Variants in MALRD1 observed in about 807,000 individuals in gnomAD.
MALRD1 encodes MAM and LDL receptor class A domain containing 1.
MALRD1 carries 247 observed loss-of-function variants against 242.1 expected under a neutral mutation model. The ratio of observed to expected loss-of-function variants is 1.02; its 90% CI spans 0.92 to 1.13. The LOEUF (loss-of-function observed/expected upper bound fraction) is 1.13, where lower values mean the gene tolerates loss of function less well. Ranked by LOEUF, MALRD1 falls within the 50% of genes most tolerant of loss-of-function variation. The probability of loss-of-function intolerance (pLI) is 0.00; values close to 1 mark genes in which losing one functional copy is unlikely to be tolerated. For missense variants in MALRD1, 2,989 were observed against 2,533.1 expected (o/e 1.18, Z -3.86); for synonymous variants, 995 against 866.6 (o/e 1.15, Z -2.60).
At chr10:19,327,784 T>G in intron 23 of MALRD1, 111 bp downstream of exon 23, 1 of 852,454 alleles carries the variant, frequency 1.2e-6, no homozygotes, top group South Asian at 1.6e-5. Context: ...TTTTGATGTG[T>G]TCTGTGGATG....
chr10:19,187,741 G>GTTTT (rs761856747), intron 14 of MALRD1, among the ~76,000 whole-genome samples: 1 of 152,066 alleles, frequency 6.6e-6, no homozygotes, highest in Non-Finnish European at 1.5e-5. Context: ...GTTCTCACTC[G>GTTTT]TAAGTGGGAA....
At position 19,158,617 on chromosome 10, in the gene MALRD1, A is replaced by G. The variant is rs75950853; in HGVS notation, c.1656+3445A>G. ...TGCTTGCTATATTACCAAAGTAAACATTATACCTACGATGCAACACATATA... is the reference window on the plus strand; with the variant it reads ...TGCTTGCTATATTACCAAAGTAAACGTTATACCTACGATGCAACACATATA... On this transcript the variant is annotated intron_variant, in intron 12 of 39. Transcript: ENST00000454679. Among the ~76,000 whole-genome samples, 38 of 152,332 alleles carry G rather than the reference A, an allele frequency of 2.5e-4. No individual in the cohort carries two copies. In the East Asian group the frequency reaches 6.9e-3, roughly 28 times the overall value.
At chr10:19,729,799 C>T (rs558593367) in intron 38 of MALRD1, among the ~76,000 whole-genome samples, 349 of 120,640 alleles carry the variant, frequency 2.9e-3, no homozygotes, top group African/African-American at 0.011. Flanking sequence ...TGCAGTGGCG[C>T]GATCTCGGCT....
intron 32 of MALRD1, among the ~76,000 whole-genome samples, chr10:19,546,562 T>C (rs1835216285): frequency 6.6e-6 from 1 of 152,232 alleles, no homozygotes; most frequent in South Asian, 2.1e-4. Flanking sequence ...AATTACCAGA[T>C]GGTGACATAT....
intron 10 of MALRD1, among the ~76,000 whole-genome samples, chr10:19,141,432 T>A (rs1269139895): frequency 6.6e-6 from 1 of 152,090 alleles, no homozygotes; most frequent in East Asian, 1.9e-4. Flanking sequence ...AGTTTGGGAA[T>A]GAAAAAGTTC....
At chr10:19,701,404 C>A (rs1032527263) in intron 38 of MALRD1, among the ~76,000 whole-genome samples, 3 of 152,076 alleles carry the variant, frequency 2.0e-5, no homozygotes, top group African/African-American at 7.2e-5. Flanking sequence ...CATATATTCT[C>A]TTCTGAAAGG....
intron 2 of MALRD1, among the ~76,000 whole-genome samples, chr10:19,072,704 A>G (rs911144555): frequency 6.6e-6 from 1 of 152,154 alleles, no homozygotes; most frequent in African/African-American, 2.4e-5. Flanking sequence ...AGCAAACAAA[A>G]GTGAAGCAAA....
chr10:19,110,076 A>G (rs1324576543), intron 5 of MALRD1, among the ~76,000 whole-genome samples: 6 of 152,212 alleles, frequency 3.9e-5, no homozygotes, highest in Non-Finnish European at 1.5e-5. Flanking sequence ...CCCATGCTCT[A>G]CAGGGTCACT....
At chr10:19,122,048 G>C (rs535104541) in intron 5 of MALRD1, among the ~76,000 whole-genome samples, 52 of 152,218 alleles carry the variant, frequency 3.4e-4, no homozygotes, top group Non-Finnish European at 6.9e-4. Flanking sequence ...CAGCTGCACA[G>C]ATACAGGCTA....
At chr10:19,306,915 G>A (rs2496095) in intron 21 of MALRD1, among the ~76,000 whole-genome samples, 66,574 of 150,894 alleles carry the variant, frequency 0.44, 14,815 homozygotes, top group South Asian at 0.55. Flanking sequence ...TGATTCAGTC[G>A]CCTCCCACCA....
chr10:19,429,425 G>A (rs12264559), intron 28 of MALRD1, among the ~76,000 whole-genome samples: 9,002 of 152,144 alleles, frequency 0.059, 319 homozygotes, highest in African/African-American at 0.096. Context: ...TGAGCCGGGC[G>A]TGGTGGTGCA....
chr10:19,365,110 AAC>A (rs1452313247), intron 26 of MALRD1, among the ~76,000 whole-genome samples: 1 of 152,190 alleles, frequency 6.6e-6, no homozygotes, highest in Non-Finnish European at 1.5e-5. Flanking sequence ...TAAAAATGAA[AAC>A]ACATACATGT....
intron 1 of MALRD1, among the ~76,000 whole-genome samples, chr10:19,059,920 T>G (rs1834773348): frequency 6.6e-6 from 1 of 152,230 alleles, no homozygotes; most frequent in Non-Finnish European, 1.5e-5. Flanking sequence ...GATGTTATTT[T>G]TTAATCAGAG....
intron 26 of MALRD1, among the ~76,000 whole-genome samples, chr10:19,362,760 G>T (rs1158543784): frequency 2.0e-5 from 3 of 152,072 alleles, no homozygotes; most frequent in Non-Finnish European, 4.4e-5. Flanking sequence ...AATCTTTTTG[G>T]CTGTAATGTA....
chr10:19,081,052 A>G (rs1419068696), intron 2 of MALRD1, among the ~76,000 whole-genome samples: 1 of 152,176 alleles, frequency 6.6e-6, no homozygotes, highest in Non-Finnish European at 1.5e-5. Context: ...TGCAAATCAA[A>G]ACCACAATGA....
chr10:19,291,437 G>A (rs914765400), intron 21 of MALRD1: 9 of 151,774 alleles, frequency 5.9e-5, no homozygotes, highest in Non-Finnish European at 2.9e-5. Flanking sequence ...ATCCCATTGA[G>A]AGGGGAAAGG....
rs1007431963 is a variant in MALRD1 at position 19,088,073 on chromosome 10, G to A, written c.485G>A (p.Gly162Glu). 1.9e-5 allele frequency: 24 copies of A among 1,233,254 alleles called. No homozygotes were observed. The highest frequency in any genetic ancestry group is 2.1e-4 in the Middle Eastern group (1 of 4,856). 76.4% of individuals were successfully genotyped at this position (1,233,254 alleles called of 1,614,324 possible). A position where few individuals can be genotyped will look rare whatever the true frequency, so the allele number is the denominator to read the frequency against. ...CAAGTGAGTGGCAAATTAATGGTTG[G>A]GCTTCAAACTGCATGTGGAGGTCCT... ...SCQVSGKLMV[G>E]LQTACGGPIQ... is the part of the protein sequence containing the mutation. Residue 162 changes from glycine to glutamate, a missense_variant, in exon 4 of 40, where the codon GGG (glycine) becomes GAG (glutamate). By Grantham distance (98) the Gly-to-Glu change is moderately conservative. Coordinates refer to ENST00000454679, the MANE Select transcript of MALRD1 (RefSeq NM_001142308.3).
At chr10:19,567,351 T>C in intron 32 of MALRD1, 151 bp from the exon 33 acceptor site, 1 of 735,658 alleles carries the variant, frequency 1.4e-6, no homozygotes, top group South Asian at 2.0e-5. Context: ...TGGCTCACTT[T>C]ATAACCCACA....
chr10:19,548,148 C>T (rs1835324671), intron 32 of MALRD1, among the ~76,000 whole-genome samples: 2 of 150,770 alleles, frequency 1.3e-5, no homozygotes, highest in Non-Finnish European at 3.0e-5. Flanking sequence ...TACAAGCATG[C>T]ACCACCACCC....
Sources: allele counts gnomAD v4.1 joint callset (sites outside exome capture counted in the v4.1 genomes callset), GRCh38; gene constraint gnomAD v4.1.1; transcripts MANE v1.5; gene names NCBI Gene and HGNC (gene_info 2026-07-23, HGNC 2026-07-21).